RERE: variants seen among roughly 807,000 people sequenced by gnomAD.
RERE encodes the protein arginine-glutamic acid dipeptide repeats protein.
In RERE, 40 loss-of-function variants were observed where a neutral mutation model predicts 146.1. The observed-to-expected ratio is 0.27, with a 90% confidence interval of 0.21 to 0.36. The LOEUF (loss-of-function observed/expected upper bound fraction) is 0.36. Ranked by LOEUF, RERE falls within the 10% of genes least tolerant of loss-of-function variation. The pLI is 1.00. For missense variants in RERE, 1,933 were observed against 2,138.7 expected (o/e 0.90, Z 1.90); for synonymous variants, 1,003 against 866.0 (o/e 1.16, Z -2.78).
At chr1:8,369,334 G>A (rs1641934664) in intron 12 of RERE, among the ~76,000 whole-genome samples, 1 of 151,866 alleles carries the variant, frequency 6.6e-6, no homozygotes, top group African/African-American at 2.4e-5. Context: ...CTGCCAACAA[G>A]TGAAAAAAAT....
chr1:8,667,548 G>A (rs537462435), intron 1 of RERE, among the ~76,000 whole-genome samples: 4 of 152,220 alleles, frequency 2.6e-5, no homozygotes, highest in East Asian at 3.9e-4. Flanking sequence ...ATGGTGGCAC[G>A]TGCCTGTAAT....
chr1:8,608,333 T>C (rs1646747871), intron 4 of RERE, among the ~76,000 whole-genome samples: 1 of 152,102 alleles, frequency 6.6e-6, no homozygotes, highest in Non-Finnish European at 1.5e-5. Context: ...GGAGACCCTG[T>C]CTCTACAAAA....
chr1:8,441,223 G>A (rs1307346422), intron 11 of RERE, among the ~76,000 whole-genome samples: 1 of 152,142 alleles, frequency 6.6e-6, no homozygotes, highest in Non-Finnish European at 1.5e-5. Context: ...AAGTGGGCCT[G>A]GCATATAAGA....
intron 10 of RERE, among the ~76,000 whole-genome samples, chr1:8,488,197 T>A (rs972811359): frequency 6.6e-6 from 1 of 152,068 alleles, no homozygotes; most frequent in Admixed American, 6.6e-5. Flanking sequence ...AACTGATCCA[T>A]AAATTCAATA....
chr1:8,597,449 T>C (rs1646568246), intron 4 of RERE, among the ~76,000 whole-genome samples: 1 of 152,128 alleles, frequency 6.6e-6, no homozygotes, highest in South Asian at 2.1e-4. Flanking sequence ...TGTTGCCTCT[T>C]GTCAAACCAG....
At chr1:8,496,335 G>A (rs1645045470) in intron 9 of RERE, among the ~76,000 whole-genome samples, 1 of 151,772 alleles carries the variant, frequency 6.6e-6, no homozygotes, top group African/African-American at 2.4e-5. Context: ...AAAATAGCCG[G>A]GCATGGTGCC....
At chr1:8,406,328 C>T (rs1643436686) in intron 12 of RERE, among the ~76,000 whole-genome samples, 1 of 152,102 alleles carries the variant, frequency 6.6e-6, no homozygotes, top group African/African-American at 2.4e-5. Flanking sequence ...CCTCCTTGGC[C>T]TCCAGAAGTG....
At chr1:8,626,793 G>A (rs1426585869) in intron 2 of RERE, among the ~76,000 whole-genome samples, 1 of 152,168 alleles carries the variant, frequency 6.6e-6, no homozygotes, top group Non-Finnish European at 1.5e-5. Context: ...TCAGCCAGAA[G>A]CCCCTCTCCG....
At chr1:8,790,807 A>T (rs1371302147) in intron 1 of RERE, among the ~76,000 whole-genome samples, 2 of 152,222 alleles carry the variant, frequency 1.3e-5, no homozygotes, top group Non-Finnish European at 2.9e-5. Context: ...GCTGGTCTCA[A>T]ATTACTGACC....
At chr1:8,398,785 T>A (rs1643145727) in intron 12 of RERE, among the ~76,000 whole-genome samples, 1 of 152,212 alleles carries the variant, frequency 6.6e-6, no homozygotes, top group Non-Finnish European at 1.5e-5. Flanking sequence ...AGGGCCTTGC[T>A]ATACATCGAA....
chr1:8,423,838 G>A lies in RERE; in HGVS notation c.1204-1031C>T, dbSNP rs1643959097. On this transcript the variant is annotated intron_variant, in intron 11 of 22. Coordinates refer to ENST00000400908, the MANE Select transcript of RERE (RefSeq NM_001042681.2). This position sits in a 1 kb window ranked among gnomAD's most constrained non-coding sequence, Gnocchi z 5.4. ...CGCGGGCGGCTGCAAAAGGCGGCCT[G>A]GATTGCCGCCGCCCTCCTGTCCGCC... 6.7e-6 allele frequency among the ~76,000 whole-genome samples: 1 copy of A among 148,490 alleles called. No homozygotes were observed. The highest frequency in any genetic ancestry group is 1.5e-5 in the Non-Finnish European group (1 of 66,810).
At chr1:8,500,701 T>C (rs1209217647) in intron 8 of RERE, among the ~76,000 whole-genome samples, 4 of 150,654 alleles carry the variant, frequency 2.7e-5, no homozygotes, top group Admixed American at 2.0e-4. Context: ...CCTCTCTGCC[T>C]GGCTGCCCAG....
intron 10 of RERE, among the ~76,000 whole-genome samples, chr1:8,485,868 G>T (rs558449861): frequency 1.6e-4 from 24 of 146,340 alleles, no homozygotes; most frequent in African/African-American, 6.1e-4. Flanking sequence ...GCGCGATCTT[G>T]GCTCACTGCA....
intron 10 of RERE, among the ~76,000 whole-genome samples, chr1:8,476,464 G>C (rs1644758116): frequency 6.6e-6 from 1 of 152,132 alleles, no homozygotes; most frequent in Non-Finnish European, 1.5e-5. Flanking sequence ...AGGGGATGAG[G>C]GTGGGTGGAG....
At chr1:8,637,431 AT>A (rs1327849315) in intron 2 of RERE, among the ~76,000 whole-genome samples, 1 of 152,196 alleles carries the variant, frequency 6.6e-6, no homozygotes, top group Non-Finnish European at 1.5e-5. Flanking sequence ...GAGAGAATAC[AT>A]GACTGTTCTT....
chr1:8,463,944 TCTC>T (rs757900651), intron 11 of RERE, among the ~76,000 whole-genome samples: 9 of 152,330 alleles, frequency 5.9e-5, no homozygotes, highest in Non-Finnish European at 1.2e-4. Flanking sequence ...ATCCTTTTCA[TCTC>T]CTTATGTGTT....
chr1:8,404,062 T>C (rs982597115), intron 12 of RERE, among the ~76,000 whole-genome samples: 40 of 151,730 alleles, frequency 2.6e-4, no homozygotes, highest in African/African-American at 8.7e-4. Flanking sequence ...ATCTCTTGAC[T>C]TCGTGATCCG....
At chr1:8,553,902 A>G (rs1474543636) in intron 6 of RERE, among the ~76,000 whole-genome samples, 2 of 152,146 alleles carry the variant, frequency 1.3e-5, no homozygotes, top group South Asian at 2.1e-4. Flanking sequence ...AATGGGCCAG[A>G]CGTGGTGGCT....
intron 4 of RERE, among the ~76,000 whole-genome samples, chr1:8,582,402 A>G (rs868643783): frequency 1.5e-4 from 22 of 148,292 alleles, no homozygotes; most frequent in Middle Eastern, 7.0e-3. Flanking sequence ...CTCTTTCTTT[A>G]AAAACTTTTT....
Sources: allele counts gnomAD v4.1 joint callset (sites outside exome capture counted in the v4.1 genomes callset), GRCh38; gene constraint gnomAD v4.1.1; non-coding constraint Gnocchi (gnomAD v3.1); transcripts MANE v1.5; gene names NCBI Gene and HGNC (gene_info 2026-07-23, HGNC 2026-07-21).